PTPRN2: variants seen among roughly 807,000 people sequenced by gnomAD.
The protein encoded by PTPRN2 is protein tyrosine phosphatase receptor type N2.
In PTPRN2, 74 loss-of-function variants were observed where a neutral mutation model predicts 118.8. The ratio of observed to expected loss-of-function variants is 0.62; its 90% CI spans 0.52 to 0.76. The LOEUF (loss-of-function observed/expected upper bound fraction) is 0.76, where lower values mean the gene tolerates loss of function less well. Among genes scored for constraint, PTPRN2 ranks in the 30% least tolerant of loss-of-function variants. The pLI, the probability that PTPRN2 is intolerant of heterozygous loss-of-function variation, is 0.00. For synonymous variants in PTPRN2, 641 were observed against 608.0 expected (o/e 1.05, Z -0.80); for missense variants, 1,481 against 1,394.4 (o/e 1.06, Z -0.99).
Position 157,563,180 on chromosome 7 carries a change from CAGATCAGGACCACGTGCTCCCAT to C in PTPRN2, c.2902+5699_2902+5721del, listed in dbSNP as rs1221789706. On this transcript the variant is annotated intron_variant, in intron 21 of 22. Transcript: ENST00000389418. ...CGTGCTCCCACGTCACCACACACAGCAGATCAGGACCACGTGCTCCCATGTCACCACACACAGCAGAGCAGGAC... is the reference window on the plus strand; with the variant it reads ...CGTGCTCCCACGTCACCACACACAGCGTCACCACACACAGCAGAGCAGGAC... Among the ~76,000 whole-genome samples the C allele has an allele frequency of 3.0e-4, 38 of 128,602 alleles. 1 individual carries two copies. Among genetic ancestry groups the C allele is most frequent in the Non-Finnish European group, 4.0e-4 (24 of 59,702 alleles). 84.4% of individuals were successfully genotyped at this position (128,602 alleles called of 152,430 possible).
chr7:158,249,491 C>T (rs1796521492), intron 3 of PTPRN2, among the ~76,000 whole-genome samples: 2 of 151,228 alleles, frequency 1.3e-5, no homozygotes, highest in Admixed American at 6.6e-5. Context: ...TGCACACACA[C>T]ACCCTGCATG....
At chr7:158,196,694 T>C (rs1585816623) in intron 4 of PTPRN2, among the ~76,000 whole-genome samples, 1 of 152,098 alleles carries the variant, frequency 6.6e-6, no homozygotes, top group Non-Finnish European at 1.5e-5. Context: ...CCACGGCTAG[T>C]GAGGATCTTG....
intron 3 of PTPRN2, among the ~76,000 whole-genome samples, chr7:158,276,268 G>A (rs1798970512): frequency 3.5e-5 from 1 of 28,454 alleles, no homozygotes; most frequent in Admixed American, 3.9e-4. Context: ...CCACACTCTG[G>A]CCCCAACAGG....
At chr7:157,847,071 T>C (rs1808878183) in intron 12 of PTPRN2, among the ~76,000 whole-genome samples, 1 of 145,140 alleles carries the variant, frequency 6.9e-6, no homozygotes, top group South Asian at 2.3e-4. Flanking sequence ...TTACATCTTC[T>C]GTGCCCGATG....
At chr7:158,368,395 G>GA (rs756414301) in intron 2 of PTPRN2, among the ~76,000 whole-genome samples, 25 of 152,052 alleles carry the variant, frequency 1.6e-4, no homozygotes, top group Non-Finnish European at 3.4e-4. Context: ...TCTTGAAAAA[G>GA]AAAAAATGGT....
At chr7:158,500,744 A>G (rs1822300499) in intron 1 of PTPRN2, among the ~76,000 whole-genome samples, 1 of 152,278 alleles carries the variant, frequency 6.6e-6, no homozygotes, top group East Asian at 1.9e-4. Context: ...AGACGTGACC[A>G]GGGCTGTTAA....
intron 12 of PTPRN2, among the ~76,000 whole-genome samples, chr7:157,734,272 GCA>G (rs1458568167): frequency 4.4e-5 from 3 of 67,806 alleles, no homozygotes; most frequent in African/African-American, 1.7e-4. Context: ...TGTGCCCAGT[GCA>G]GTCTTCCGTC....
chr7:158,421,828 C>T (rs2129423183), intron 2 of PTPRN2, among the ~76,000 whole-genome samples: 1 of 152,268 alleles, frequency 6.6e-6, no homozygotes, highest in African/African-American at 2.4e-5. Flanking sequence ...GTGACCAAAC[C>T]TATTCATCAA....
chr7:158,018,966 CAAAAAAAAAAAA>C (rs753498681), intron 11 of PTPRN2, among the ~76,000 whole-genome samples: 14 of 65,848 alleles, frequency 2.1e-4, no homozygotes, highest in African/African-American at 4.7e-4. Context: ...GTTTCAAAAA[CAAAAAAAAAAAA>C]AAAAAAAAAA....
chr7:157,546,734 G>C (rs1262298920), intron 22 of PTPRN2, among the ~76,000 whole-genome samples: 1 of 152,184 alleles, frequency 6.6e-6, no homozygotes, highest in African/African-American at 2.4e-5. Flanking sequence ...ATTTAAAAAT[G>C]GAGTAGAACG....
intron 2 of PTPRN2, among the ~76,000 whole-genome samples, chr7:158,333,919 C>G (rs866501395): frequency 9.0e-6 from 1 of 110,922 alleles, no homozygotes; most frequent in African/African-American, 3.7e-5. Flanking sequence ...TCACTCACAC[C>G]CACACTCTCA....
At position 158,546,319 on chromosome 7, in the gene PTPRN2, C is replaced by T. The variant is rs533966757; in HGVS notation, c.112+41239G>A. ...CAGCAGCTTGAGCTTCACGCCTGCC[C>T]GGAGACGGGGTCCGCGAGGTGCCAG... On this transcript the variant is annotated intron_variant, in intron 1 of 22. Coordinates refer to ENST00000389418, the MANE Select transcript of PTPRN2 (RefSeq NM_002847.5). This position sits in a 1 kb window ranked among gnomAD's most constrained non-coding sequence, Gnocchi z 5.0. 1.1e-4 allele frequency among the ~76,000 whole-genome samples: 17 copies of T among 152,336 alleles called. No homozygotes were observed. The highest frequency in any genetic ancestry group is 2.6e-4 in the African/African-American group (11 of 41,578).
chr7:158,348,605 A>C (rs1807712110), intron 2 of PTPRN2, among the ~76,000 whole-genome samples: 1 of 152,160 alleles, frequency 6.6e-6, no homozygotes. Flanking sequence ...GAGCTGGGCC[A>C]GGCCCCCAAC....
chr7:157,961,305 G>T (rs1801516804), intron 11 of PTPRN2, among the ~76,000 whole-genome samples: 1 of 152,162 alleles, frequency 6.6e-6, no homozygotes, highest in African/African-American at 2.4e-5. Context: ...GCTGTGGCAG[G>T]TGGATCACTT....
chr7:158,325,424 T>C (rs961736088), intron 2 of PTPRN2, among the ~76,000 whole-genome samples: 1 of 152,240 alleles, frequency 6.6e-6, no homozygotes, highest in South Asian at 2.1e-4. Flanking sequence ...TGGGAATTAA[T>C]GAATACAATA....
chr7:157,934,978 A>G (rs1382700592), intron 11 of PTPRN2, among the ~76,000 whole-genome samples: 2 of 152,176 alleles, frequency 1.3e-5, no homozygotes, highest in Non-Finnish European at 2.9e-5. Context: ...GAGTTGTCAA[A>G]TTGTCTCCTG....
chr7:157,953,149 G>T lies in PTPRN2; in HGVS notation c.1724-54412C>A, dbSNP rs1242155601. Among the ~76,000 whole-genome samples, 1 of 152,216 alleles carries T rather than the reference G, an allele frequency of 6.6e-6. No individual in the cohort carries two copies. Among genetic ancestry groups the T allele is most frequent in the East Asian group, 1.9e-4 (1 of 5,196 alleles). On this transcript the variant is annotated intron_variant, in intron 11 of 22. Transcript: ENST00000389418. This position sits in a 1 kb window ranked among gnomAD's most constrained non-coding sequence, Gnocchi z 4.6. The stretch of plus-strand genomic sequence containing the variant: ...GAGAAGTCCTCAGCGACATCTGGGG[G>T]TCCTGTGCATGCACCATGTTGACTG...
chr7:157,936,460 C>G (rs570767962), intron 11 of PTPRN2, among the ~76,000 whole-genome samples: 12 of 152,352 alleles, frequency 7.9e-5, no homozygotes, highest in Admixed American at 6.5e-4. Context: ...CCACCTGTTT[C>G]TCTTCCACGG....
At chr7:158,522,609 T>A (rs1761688282) in intron 1 of PTPRN2, among the ~76,000 whole-genome samples, 1 of 152,240 alleles carries the variant, frequency 6.6e-6, no homozygotes, top group Non-Finnish European at 1.5e-5. Flanking sequence ...GGTGACCAGA[T>A]GCACTTACAA....
Sources: gnomAD v4.1 joint callset for allele counts (sites outside exome capture counted in the v4.1 genomes callset) on GRCh38, gnomAD v4.1.1 for gene constraint, Gnocchi (gnomAD v3.1) non-coding constraint, MANE v1.5 for transcripts, NCBI Gene and HGNC (gene_info 2026-07-23, HGNC 2026-07-21) for gene names.